The following RBM41 variants were observed in gnomAD, a reference collection of about 807,000 sequenced individuals.
RBM41 encodes the protein RNA-binding protein 41.
Under a neutral mutation model 30.8 loss-of-function variants are expected in RBM41, and 14 were observed. The ratio of observed to expected loss-of-function variants is 0.45; its 90% CI spans 0.30 to 0.71. The LOEUF is 0.71. Among genes scored for constraint, RBM41 ranks in the 30% least tolerant of loss-of-function variants. The pLI is 0.08. For synonymous variants in RBM41, 120 were observed against 110.1 expected (o/e 1.09, Z -0.56); for missense variants, 276 against 326.3 (o/e 0.85, Z 1.19).
At chrX:107,117,542 A>G (rs1924973361) in intron 1 of RBM41, among the ~76,000 whole-genome samples, 1 of 111,720 alleles carries the variant, frequency 9.0e-6, no homozygotes, top group Admixed American at 9.4e-5. Context: ...TGAGAGAACA[A>G]TGGTACCAAT....
Position 107,088,792 on chromosome X carries a change from T to C in RBM41, c.643A>G (p.Ser215Gly). The change falls in exon 6 of 8, where the codon AGT (serine) becomes GGT (glycine). Residue 215 changes from serine to glycine, a missense_variant. Ser to Gly is a moderately conservative substitution (Grantham distance 56, BLOSUM62 0). Coordinates refer to ENST00000685964, the MANE Select transcript of RBM41 (RefSeq NM_001324242.2). ...TTCATTATCATCTCTTGGTAAAAAC[T>C]TTCCAGGTTGTTCATGGGATCACCT... Reference protein sequence around the residue: ...NKGDPMNNLESFYQEMIMKKR... With the variant: ...NKGDPMNNLEGFYQEMIMKKR... The C allele has an allele frequency of 1.7e-6, 2 of 1,210,844 alleles. No individual in the cohort carries two copies. Among genetic ancestry groups the C allele is most frequent in the Non-Finnish European group, 2.2e-6 (2 of 894,993 alleles).
At chrX:107,107,136 A>G (rs140995664) in intron 5 of RBM41, among the ~76,000 whole-genome samples, 1,797 of 111,736 alleles carry the variant, frequency 0.016, 48 homozygotes, top group African/African-American at 0.055. Flanking sequence ...TAGACCATGG[A>G]GTCTGACAAG....
chrX:107,078,759 A>C (rs970206422), intron 6 of RBM41, among the ~76,000 whole-genome samples: 19 of 110,227 alleles, frequency 1.7e-4, no homozygotes, highest in Non-Finnish European at 2.8e-4. Context: ...GTCGAAGAAC[A>C]ATAAAATGAT....
chrX:107,103,692 G>A (rs902390463), intron 5 of RBM41, among the ~76,000 whole-genome samples: 1 of 111,837 alleles, frequency 8.9e-6, no homozygotes, highest in Non-Finnish European at 1.9e-5. Context: ...ACGACAATAT[G>A]AATGAATCCC....
In RBM41 at chrX:107,093,598, A is replaced by G. The variant is rs773078064; in HGVS notation, c.596-4759T>C. Among the ~76,000 whole-genome samples the G allele has an allele frequency of 3.6e-5, 4 of 112,253 alleles. No individual in the cohort carries two copies. In the East Asian group the frequency reaches 8.4e-4, roughly 23 times the overall value. On this transcript the variant is annotated intron_variant, in intron 5 of 7. Coordinates refer to ENST00000685964, the MANE Select transcript of RBM41 (RefSeq NM_001324242.2). ...ATGCAGCTAAAACAATGCTGCATCC[A>G]TATGATAGACAGTTAAAGCTTTAAA...
chrX:107,083,651 T>A (rs774104197), intron 6 of RBM41, among the ~76,000 whole-genome samples: 58 of 111,194 alleles, frequency 5.2e-4, no homozygotes, highest in African/African-American at 1.8e-3. Context: ...TCAACCTTAC[T>A]GATTCCTTCC....
Position 107,062,881 on chromosome X carries a change from T to C in RBM41, c.*4646A>G, listed in dbSNP as rs1351557216. 4.5e-5 allele frequency among the ~76,000 whole-genome samples: 5 copies of C among 112,236 alleles called. No individual in the cohort carries two copies. Among genetic ancestry groups the C allele is most frequent in the Non-Finnish European group, 9.4e-5 (5 of 53,246 alleles). On this transcript the variant is annotated 3_prime_UTR_variant, in exon 8 of 8. Coordinates refer to ENST00000685964, the MANE Select transcript of RBM41 (RefSeq NM_001324242.2). The stretch of plus-strand genomic sequence containing the variant: ...ACTATACATATTTCTGCATCTTGTT[T>C]ATTAACTTAATACACAACCTTGGAC...
At chrX:107,084,553 G>T (rs186018707) in intron 6 of RBM41, among the ~76,000 whole-genome samples, 5 of 111,058 alleles carry the variant, frequency 4.5e-5, no homozygotes, top group Non-Finnish European at 7.5e-5. Context: ...CTTGAAACTT[G>T]TGGGGTTCCT....
In RBM41 at chrX:107,098,244, C is replaced by T. The variant is rs375245886; in HGVS notation, c.596-9405G>A. Among the ~76,000 whole-genome samples, 8 of 111,465 alleles carry T rather than the reference C, an allele frequency of 7.2e-5. No individual in the cohort carries two copies. The East Asian group carries it at 1.7e-3, about 23-fold the overall frequency. ...ATTGACCTCAATTGACTTAAATGCT[C>T]GATGGAATCCCAATCAAAATCATAT... is the stretch of plus-strand genomic sequence containing the variant. On this transcript the variant is annotated intron_variant, in intron 5 of 7. Coordinates refer to ENST00000685964, the MANE Select transcript of RBM41 (RefSeq NM_001324242.2).
intron 6 of RBM41, among the ~76,000 whole-genome samples, chrX:107,076,840 C>G (rs145820641): frequency 9.0e-5 from 10 of 111,049 alleles, no homozygotes; most frequent in African/African-American, 3.0e-4. Flanking sequence ...AAGCAAAGAA[C>G]AAGCAAATAT....
chrX:107,081,552 A>G (rs1232180477), intron 6 of RBM41, among the ~76,000 whole-genome samples: 1 of 112,091 alleles, frequency 8.9e-6, no homozygotes, highest in East Asian at 2.8e-4. Flanking sequence ...ACAAAATAAC[A>G]TTCTGGGATT....
intron 6 of RBM41, among the ~76,000 whole-genome samples, chrX:107,084,571 A>C (rs990170090): frequency 9.0e-6 from 1 of 111,141 alleles, no homozygotes; most frequent in Non-Finnish European, 1.9e-5. Context: ...CCTGGAAGCA[A>C]TCAAAACCTC....
intron 2 of RBM41, among the ~76,000 whole-genome samples, chrX:107,116,427 T>C (rs1444022667): frequency 2.7e-5 from 3 of 111,681 alleles, no homozygotes. Flanking sequence ...AAGGGAAATA[T>C]GGGATGCTGT....
chrX:107,102,788 T>A (rs1923577348), intron 5 of RBM41, among the ~76,000 whole-genome samples: 1 of 111,328 alleles, frequency 9.0e-6, no homozygotes, highest in Non-Finnish European at 1.9e-5. Flanking sequence ...AGAATATTAC[T>A]CATAGGCCTT....
chrX:107,108,727 T>TC (rs922338791), intron 5 of RBM41, among the ~76,000 whole-genome samples: 1 of 111,410 alleles, frequency 9.0e-6, no homozygotes, highest in Non-Finnish European at 1.9e-5. Flanking sequence ...TCATCCCATC[T>TC]CCCCTTCTCT....
At chrX:107,108,076 C>T (rs1924165367) in intron 5 of RBM41, among the ~76,000 whole-genome samples, 1 of 111,529 alleles carries the variant, frequency 9.0e-6, no homozygotes, top group Non-Finnish European at 1.9e-5. Flanking sequence ...ATCACATATA[C>T]AAGTGCTGTG....
downstream of RBM41, among the ~76,000 whole-genome samples, chrX:107,058,704 C>G (rs1477897082): frequency 2.7e-5 from 3 of 111,426 alleles, no homozygotes; most frequent in Non-Finnish European, 5.7e-5. Context: ...GAATAAGGGC[C>G]TCGTGTCAGG....
intron 5 of RBM41, among the ~76,000 whole-genome samples, chrX:107,099,882 G>A (rs1231764916): frequency 2.7e-5 from 3 of 112,050 alleles, no homozygotes; most frequent in African/African-American, 9.7e-5. Context: ...TCATTATACT[G>A]TGATTGCACA....
intron 6 of RBM41, among the ~76,000 whole-genome samples, chrX:107,087,757 C>G (rs1350758232): frequency 2.7e-5 from 3 of 111,477 alleles, no homozygotes; most frequent in Non-Finnish European, 5.7e-5. Context: ...GCACACACCA[C>G]CGCGCCCAGC....
Sources: allele counts gnomAD v4.1 joint callset (sites outside exome capture counted in the v4.1 genomes callset), GRCh38; gene constraint gnomAD v4.1.1; transcripts MANE v1.5; gene names NCBI Gene and HGNC (gene_info 2026-07-23, HGNC 2026-07-21).